B3GAT2: variants seen among roughly 807,000 people sequenced by gnomAD.
B3GAT2 encodes galactosylgalactosylxylosylprotein 3-beta-glucuronosyltransferase 2.
In B3GAT2, 26 loss-of-function variants were observed where a neutral mutation model predicts 27.8. That is an observed-to-expected ratio of 0.93 (90% CI 0.68 to 1.30). The LOEUF is 1.30. Among genes scored for constraint, B3GAT2 ranks in the 50% most tolerant of loss-of-function variants. B3GAT2 has a pLI of 0.00. For missense variants in B3GAT2, 458 were observed against 459.0 expected (o/e 1.00, Z 0.02); for synonymous variants, 218 against 195.1 (o/e 1.12, Z -0.98).
intron 2 of B3GAT2, among the ~76,000 whole-genome samples, chr6:70,877,267 C>A (rs1772030892): frequency 6.6e-6 from 1 of 152,280 alleles, no homozygotes; most frequent in South Asian, 2.1e-4. Context: ...GTCACCAGTG[C>A]AGGCCTGGAC....
In B3GAT2 at chr6:70,956,613, A is replaced by G; in HGVS notation, c.-184T>C. The stretch of plus-strand genomic sequence containing the variant: ...CACTACCTGGGCGTGGAGGAGCGGC[A>G]GGTTCGCGCAAGCTAGAGCGACAAG... On this transcript the variant is annotated 5_prime_UTR_variant, in exon 1 of 4. Transcript: ENST00000230053. 1 of 1,423,494 alleles carries G rather than the reference A, an allele frequency of 7.0e-7. No individual in the cohort carries two copies. Among genetic ancestry groups the G allele is most frequent in the Non-Finnish European group, 9.1e-7 (1 of 1,094,470 alleles). The allele number at this position is 1,423,494 out of a possible 1,614,324, so 88.2% of individuals were successfully genotyped here.
chr6:70,909,209 T>C (rs1772649191), intron 1 of B3GAT2, among the ~76,000 whole-genome samples: 3 of 152,154 alleles, frequency 2.0e-5, no homozygotes, highest in Admixed American at 2.0e-4. Flanking sequence ...CAGCAGTGTT[T>C]ATGTAAATAA....
rs1386139566 is a variant in B3GAT2, at chr6:70,858,405, A to C, written c.*3258T>G. ...TAAATATTATGAAGTTGTATCAGAT[A>C]GACAAATGATGTGTTATTATCGCTA... On this transcript the variant is annotated 3_prime_UTR_variant, in exon 4 of 4. Transcript: ENST00000230053. 1.8e-6 allele frequency: 1 copy of C among 560,228 alleles called. No individual in the cohort carries two copies. The highest frequency in any genetic ancestry group is 3.7e-5 in the Admixed American group (1 of 26,668). 34.7% of individuals were successfully genotyped at this position (560,228 alleles called of 1,614,324 possible).
In B3GAT2 at chr6:70,860,249, C is replaced by T; in HGVS notation, c.*1414G>A. The T allele has an allele frequency of 1.2e-6, 2 of 1,613,604 alleles. No homozygotes were observed. ...AGTATCAGTAGTGCAACCCCTACTGCAGGTTTTGGCCAGCCCTCCAGCACA... is the reference window on the plus strand; with the variant it reads ...AGTATCAGTAGTGCAACCCCTACTGTAGGTTTTGGCCAGCCCTCCAGCACA... On this transcript the variant is annotated 3_prime_UTR_variant, in exon 4 of 4. Transcript: ENST00000230053.
At chr6:70,900,080 C>T (rs1772471450) in intron 1 of B3GAT2, among the ~76,000 whole-genome samples, 1 of 152,134 alleles carries the variant, frequency 6.6e-6, no homozygotes, top group Non-Finnish European at 1.5e-5. Flanking sequence ...AGTTCTGGCC[C>T]CCAAAAGCAC....
At chr6:70,930,238 C>G (rs1243372210) in intron 1 of B3GAT2, among the ~76,000 whole-genome samples, 1 of 152,046 alleles carries the variant, frequency 6.6e-6, no homozygotes, top group Non-Finnish European at 1.5e-5. Context: ...CCATAAGAAC[C>G]CTAGAAGAAA....
In B3GAT2 at chr6:70,955,861, T is replaced by C. The variant is rs1765645707; in HGVS notation, c.569A>G (p.Tyr190Cys). The change falls in exon 1 of 4, where the codon TAT (tyrosine) becomes TGT (cysteine). Residue 190 changes from tyrosine (Y) to cysteine (C), a missense_variant. Physicochemically the swap from Tyr to Cys is radical, Grantham distance 194. Coordinates refer to ENST00000230053, the MANE Select transcript of B3GAT2 (RefSeq NM_080742.3). Reference protein sequence around the residue: ...VLFFADDDNTYSLELFQEMRT... With the variant: ...VLFFADDDNTCSLELFQEMRT... Reference sequence around the variant, plus strand: ...TACCTCCTGGAAGAGCTCCAGACTATAGGTGTTGTCGTCGTCAGCGAAGAA... The same window carrying C: ...TACCTCCTGGAAGAGCTCCAGACTACAGGTGTTGTCGTCGTCAGCGAAGAA... The C allele has an allele frequency of 1.2e-6, 2 of 1,601,330 alleles. No homozygotes were observed. Among genetic ancestry groups the C allele is most frequent in the Non-Finnish European group, 1.7e-6 (2 of 1,174,954 alleles).
At chr6:70,881,155 C>G (rs981566912) in intron 2 of B3GAT2, among the ~76,000 whole-genome samples, 1 of 152,152 alleles carries the variant, frequency 6.6e-6, no homozygotes, top group African/African-American at 2.4e-5. Context: ...CATTGCAACC[C>G]TAACAGTATC....
intron 1 of B3GAT2, among the ~76,000 whole-genome samples, chr6:70,943,401 T>A (rs368991024): frequency 6.6e-6 from 1 of 152,174 alleles, no homozygotes; most frequent in African/African-American, 2.4e-5. Context: ...CTCAGCCACA[T>A]TGGCTTCAGC....
Position 70,859,025 on chromosome 6 carries a change from CCATTGAT to C in B3GAT2, c.*2631_*2637del, listed in dbSNP as rs1364436059. ...CCCACTCTTCTTCCTTTTACACTTC[CCATTGAT>C]GTTCCTCCAGCATTTTGGCAATCTT... is the stretch of plus-strand genomic sequence containing the variant. On this transcript the variant is annotated 3_prime_UTR_variant, in exon 4 of 4. Coordinates refer to ENST00000230053, the MANE Select transcript of B3GAT2 (RefSeq NM_080742.3). The C allele has an allele frequency of 4.3e-5, 9 of 209,562 alleles. No homozygotes were observed. The highest frequency in any genetic ancestry group is 2.1e-4 in the African/African-American group (9 of 43,294). 13.0% of individuals were successfully genotyped at this position (209,562 alleles called of 1,614,324 possible). A position where few individuals can be genotyped will look rare whatever the true frequency, so the allele number is the denominator to read the frequency against.
intron 1 of B3GAT2, among the ~76,000 whole-genome samples, chr6:70,943,271 C>G (rs1350307312): frequency 6.6e-6 from 1 of 152,184 alleles, no homozygotes; most frequent in Non-Finnish European, 1.5e-5. Flanking sequence ...AAACCTTCTA[C>G]CAACAAGTGA....
chr6:70,910,681 G>A (rs944603086), intron 1 of B3GAT2, among the ~76,000 whole-genome samples: 1 of 152,122 alleles, frequency 6.6e-6, no homozygotes, highest in African/African-American at 2.4e-5. Flanking sequence ...ATTCCTTTGG[G>A]CATATACCCA....
intron 1 of B3GAT2, among the ~76,000 whole-genome samples, chr6:70,928,402 G>C (rs1296903197): frequency 2.0e-5 from 3 of 151,896 alleles, no homozygotes; most frequent in Non-Finnish European, 4.4e-5. Context: ...TCTAGGAATT[G>C]GTTTTTTGAA....
intron 1 of B3GAT2, among the ~76,000 whole-genome samples, chr6:70,940,743 C>T (rs552733581): frequency 1.8e-4 from 27 of 152,250 alleles, no homozygotes; most frequent in Admixed American, 1.5e-3. Context: ...ACCTGGCCAA[C>T]ATGTTGAAAC....
Position 70,858,026 on chromosome 6 carries a change from A to T in B3GAT2, c.*3637T>A, listed in dbSNP as rs1404879149. The T allele has an allele frequency of 2.5e-6, 4 of 1,613,984 alleles. No homozygotes were observed. The highest frequency in any genetic ancestry group is 3.4e-6 in the Non-Finnish European group (4 of 1,180,000). ...GCCTGTGCCTGCAGCTCCTGGCCTTATAGGAAATGTGATGGGACAGAGTCC... is the reference window on the plus strand; with the variant it reads ...GCCTGTGCCTGCAGCTCCTGGCCTTTTAGGAAATGTGATGGGACAGAGTCC... On this transcript the variant is annotated 3_prime_UTR_variant, in exon 4 of 4. Coordinates refer to ENST00000230053, the MANE Select transcript of B3GAT2 (RefSeq NM_080742.3).
At chr6:70,889,786 AT>A (rs5877266) in intron 2 of B3GAT2, among the ~76,000 whole-genome samples, 39,851 of 141,594 alleles carry the variant, frequency 0.28, 5,175 homozygotes, top group Middle Eastern at 0.34. Flanking sequence ...TAGAAACCTA[AT>A]TTTTTTTTTT....
At chr6:70,927,902 T>C (rs1224541076) in intron 1 of B3GAT2, among the ~76,000 whole-genome samples, 2 of 152,144 alleles carry the variant, frequency 1.3e-5, no homozygotes, top group African/African-American at 4.8e-5. Context: ...AGCACCACAT[T>C]GCACTTACTC....
chr6:70,869,479 AT>A (rs1771901127), intron 2 of B3GAT2, among the ~76,000 whole-genome samples: 1 of 152,222 alleles, frequency 6.6e-6, no homozygotes, highest in Admixed American at 6.5e-5. Context: ...GAATCTGTAG[AT>A]TAATTGGGGG....
Position 70,915,253 on chromosome 6 carries a change from GT to G in B3GAT2, c.592-20982del, listed in dbSNP as rs144855838. Among the ~76,000 whole-genome samples, 877 of 149,254 alleles carry G rather than the reference GT, an allele frequency of 5.9e-3. 5 individuals carry two copies. Among genetic ancestry groups the G allele is most frequent in the Middle Eastern group, 0.042 (12 of 288 alleles). On this transcript the variant is annotated intron_variant, in intron 1 of 3. Transcript: ENST00000230053. ...CCTTTGCCCACTTTTTGATGCAGTG[GT>G]TTTTTTTTTCTTGTAAATTTGTTTA...
Sources: allele counts gnomAD v4.1 joint callset (sites outside exome capture counted in the v4.1 genomes callset), GRCh38; gene constraint gnomAD v4.1.1; transcripts MANE v1.5; gene names NCBI Gene and HGNC (gene_info 2026-07-23, HGNC 2026-07-21).